The following TMCO4 variants were observed in gnomAD, a reference collection of about 807,000 sequenced individuals.
The protein encoded by TMCO4 is transmembrane and coiled-coil domains 4, also known as transmembrane and coiled-coil domain-containing protein 4.
In TMCO4, 58 loss-of-function variants were observed where a neutral mutation model predicts 64.7. That is an observed-to-expected ratio of 0.90 (90% CI 0.73 to 1.12). The LOEUF is 1.12. Ranked by LOEUF, TMCO4 falls within the 50% of genes most tolerant of loss-of-function variation. The probability of loss-of-function intolerance (pLI) is 0.00; values close to 1 mark genes in which losing one functional copy is unlikely to be tolerated. For synonymous variants in TMCO4, 325 were observed against 346.1 expected (o/e 0.94, Z 0.68); for missense variants, 780 against 825.9 (o/e 0.94, Z 0.68).
At chr1:19,786,316 C>A (rs548908619) in intron 3 of TMCO4, among the ~76,000 whole-genome samples, 1 of 152,158 alleles carries the variant, frequency 6.6e-6, no homozygotes, top group Non-Finnish European at 1.5e-5. Context: ...GTGTGATAAA[C>A]ACCATGACAG....
intron 5 of TMCO4, 132 bp from the exon 6 acceptor site, chr1:19,770,701 G>T: frequency 1.2e-6 from 1 of 842,322 alleles, no homozygotes; most frequent in African/African-American, 1.7e-5. Context: ...TTCTAGACGT[G>T]AGCCAGATGA....
chr1:19,722,605 C>A (rs1226548197), intron 13 of TMCO4, among the ~76,000 whole-genome samples: 5 of 152,174 alleles, frequency 3.3e-5, no homozygotes, highest in African/African-American at 1.2e-4. Context: ...GAGCACCCAA[C>A]TCTTTACTCT....
At chr1:19,773,797 T>C (rs962079365) in intron 4 of TMCO4, among the ~76,000 whole-genome samples, 1 of 152,178 alleles carries the variant, frequency 6.6e-6, no homozygotes, top group African/African-American at 2.4e-5. Flanking sequence ...GAGGCTCAAC[T>C]ACATGAGACT....
At chr1:19,747,105 G>T in intron 8 of TMCO4, 58 bp downstream of exon 8, 3 of 1,556,374 alleles carry the variant, frequency 1.9e-6, no homozygotes, top group Non-Finnish European at 2.7e-6. Context: ...CCACAGCCTG[G>T]CATCATTTCT....
At chr1:19,787,267 C>G (rs2043794353) in intron 2 of TMCO4, 150 bp from the exon 3 acceptor site, 1 of 152,308 alleles carries the variant, frequency 6.6e-6, no homozygotes, top group East Asian at 1.9e-4. Flanking sequence ...CCTGCACGTT[C>G]CTTGACGTGG....
At chr1:19,724,380 T>C (rs894152740) in intron 13 of TMCO4, among the ~76,000 whole-genome samples, 2 of 152,190 alleles carry the variant, frequency 1.3e-5, no homozygotes, top group African/African-American at 4.8e-5. Flanking sequence ...TATTTGTAAA[T>C]TGCTGCAGCT....
intron 8 of TMCO4, 78 bp from the exon 9 acceptor site, chr1:19,746,677 C>A (rs1310454890): frequency 1.3e-5 from 20 of 1,512,418 alleles, no homozygotes; most frequent in Non-Finnish European, 1.4e-5. Context: ...GTAATCCCAG[C>A]ACTTTGGGAG....
In TMCO4 at chr1:19,682,348, T is replaced by C. The variant is rs2095108650; in HGVS notation, c.*692A>G. On this transcript the variant is annotated 3_prime_UTR_variant, in exon 16 of 16. Coordinates refer to ENST00000294543, the MANE Select transcript of TMCO4 (RefSeq NM_181719.7). ...CCCCAGGCCTAGTTCACAGCCATAC[T>C]GAATGCAATTCAGCATGTATTCACC... 2.4e-6 allele frequency: 1 copy of C among 420,204 alleles called. No individual in the cohort carries two copies. Among genetic ancestry groups the C allele is most frequent in the Non-Finnish European group, 4.3e-6 (1 of 230,616 alleles). 26.0% of individuals were successfully genotyped at this position (420,204 alleles called of 1,614,324 possible).
At chr1:19,706,309 C>A (rs1361080680) in intron 13 of TMCO4, among the ~76,000 whole-genome samples, 2 of 152,116 alleles carry the variant, frequency 1.3e-5, no homozygotes, top group Non-Finnish European at 2.9e-5. Flanking sequence ...TCAAGACCGA[C>A]AAAAGAAACT....
rs2100809722 is a variant in TMCO4, at chr1:19,734,361, CGTGTATGAATGTGTGCAGGTGT to C, written c.1264+2989_1264+3010del. Among the ~76,000 whole-genome samples the C allele has an allele frequency of 6.6e-6, 1 of 152,098 alleles. No homozygotes were observed. The highest frequency in any genetic ancestry group is 1.9e-4 in the East Asian group (1 of 5,172). On this transcript the variant is annotated intron_variant, in intron 13 of 15. Coordinates refer to ENST00000294543, the MANE Select transcript of TMCO4 (RefSeq NM_181719.7). This position sits in a 1 kb window ranked among gnomAD's most constrained non-coding sequence, Gnocchi z 4.4. ...GCTGCCGTGTGAGTGTGTGCAGATG[CGTGTATGAATGTGTGCAGGTGT>C]GTGTGTGAGTGTGCATATGTGCGCA...
intron 15 of TMCO4, among the ~76,000 whole-genome samples, chr1:19,683,870 T>C (rs887005713): frequency 2.0e-5 from 3 of 146,846 alleles, no homozygotes; most frequent in Admixed American, 6.9e-5. Context: ...TCAAGTGATC[T>C]TCTTGCCTCA....
At chr1:19,727,705 A>G (rs1320635551) in intron 13 of TMCO4, among the ~76,000 whole-genome samples, 1 of 152,246 alleles carries the variant, frequency 6.6e-6, no homozygotes, top group Non-Finnish European at 1.5e-5. Context: ...AATCCCATTA[A>G]AGGGTATATA....
At chr1:19,684,972 A>G (rs1389736010) in intron 15 of TMCO4, among the ~76,000 whole-genome samples, 1 of 152,242 alleles carries the variant, frequency 6.6e-6, no homozygotes, top group Non-Finnish European at 1.5e-5. Flanking sequence ...GGAGTGGCAC[A>G]TCAGCCCTAA....
intron 15 of TMCO4, among the ~76,000 whole-genome samples, chr1:19,694,220 T>G (rs1476335855): frequency 6.6e-6 from 1 of 152,186 alleles, no homozygotes; most frequent in African/African-American, 2.4e-5. Flanking sequence ...CAGGCTGGTC[T>G]CAAATTCCTG....
chr1:19,726,295 A>C (rs1340720509), intron 13 of TMCO4, among the ~76,000 whole-genome samples: 2 of 152,164 alleles, frequency 1.3e-5, no homozygotes, highest in Non-Finnish European at 2.9e-5. Flanking sequence ...GCCATGACCC[A>C]GGTGTGGGTG....
intron 15 of TMCO4, among the ~76,000 whole-genome samples, chr1:19,685,285 C>T (rs909558281): frequency 3.9e-5 from 6 of 152,124 alleles, no homozygotes; most frequent in East Asian, 1.9e-4. Flanking sequence ...CTGATTGTGC[C>T]GCTGCACTCC....
intron 7 of TMCO4, chr1:19,750,285 C>T (rs1034182648): frequency 6.6e-6 from 1 of 152,086 alleles, no homozygotes; most frequent in Non-Finnish European, 1.5e-5. Flanking sequence ...AAGTCACTGA[C>T]GATATACGAC....
At chr1:19,740,653 T>C in intron 11 of TMCO4, 124 bp downstream of exon 11, 1 of 1,127,620 alleles carries the variant, frequency 8.9e-7, no homozygotes, top group African/African-American at 1.5e-5. Context: ...TTAACCTCTC[T>C]GTGTTCCTAG....
chr1:19,692,303 G>T (rs1051205031), intron 15 of TMCO4, among the ~76,000 whole-genome samples: 3 of 152,118 alleles, frequency 2.0e-5, no homozygotes, highest in South Asian at 2.1e-4. Context: ...ATATCTACCT[G>T]GGCTGGGGCT....
Sources: allele counts gnomAD v4.1 joint callset (sites outside exome capture counted in the v4.1 genomes callset), GRCh38; gene constraint gnomAD v4.1.1; non-coding constraint Gnocchi (gnomAD v3.1); transcripts MANE v1.5; gene names NCBI Gene and HGNC (gene_info 2026-07-23, HGNC 2026-07-21).